Variants in TNRC18 observed in about 807,000 individuals in gnomAD.
The protein encoded by TNRC18 is trinucleotide repeat-containing gene 18 protein.
TNRC18 carries 69 observed loss-of-function variants against 226.7 expected under a neutral mutation model. The ratio of observed to expected loss-of-function variants is 0.30; its 90% CI spans 0.25 to 0.37. TNRC18 has a LOEUF of 0.37. Ranked by LOEUF, TNRC18 falls within the 10% of genes least tolerant of loss-of-function variation. The pLI is 1.00. For missense variants in TNRC18, 4,754 were observed against 4,256.6 expected (o/e 1.12, Z -3.25); for synonymous variants, 2,449 against 1,927.6 (o/e 1.27, Z -7.09).
At chr7:5,347,636 G>A (rs1791342336) in intron 17 of TNRC18, among the ~76,000 whole-genome samples, 1 of 152,112 alleles carries the variant, frequency 6.6e-6, no homozygotes, top group South Asian at 2.1e-4. Flanking sequence ...CTGCAGTCCA[G>A]CCTGGGTGAC....
chr7:5,387,857 T>A lies in TNRC18; in HGVS notation c.1967A>T (p.Glu656Val). ...GGGRQLKRDPERPESAKAFGR... is the reference protein window; with the variant it reads ...GGGRQLKRDPVRPESAKAFGR... ...GAAAGCTTTGGCGCTCTCGGGCCTC[T>A]CGGGGTCCCGCTTCAGCTGCCGGCC... The change falls in exon 5 of 30, where the codon GAG (glutamate) becomes GTG (valine). Residue 656 changes from glutamate to valine, a missense_variant. Transcript: ENST00000430969. 1.2e-6 allele frequency: 2 copies of A among 1,600,428 alleles called. No individual in the cohort carries two copies. Among genetic ancestry groups the A allele is most frequent in the Non-Finnish European group, 1.7e-6 (2 of 1,176,472 alleles).
intron 16 of TNRC18, among the ~76,000 whole-genome samples, chr7:5,356,450 C>G (rs1474355833): frequency 6.6e-6 from 1 of 152,234 alleles, no homozygotes; most frequent in Non-Finnish European, 1.5e-5. Flanking sequence ...CACTTCGCGA[C>G]AAAGCCGTGG....
At chr7:5,354,957 C>T (rs1206614563) in intron 16 of TNRC18, among the ~76,000 whole-genome samples, 1 of 152,212 alleles carries the variant, frequency 6.6e-6, no homozygotes, top group Non-Finnish European at 1.5e-5. Context: ...TCAAACTCCC[C>T]CTTCTCCGCC....
Position 5,370,703 on chromosome 7 carries a change from G to C in TNRC18, c.3891C>G (p.Asp1297Glu). ...GGCACTGTCCCTCCCCGGCGGGCAC[G>C]TCACAGTCTGACATTTCTAGGGTGG... ...SQPTLEMSDC[D>E]VPAGEGQCPS... Residue 1297 changes from aspartate to glutamate, a missense_variant, in exon 11 of 30, where the codon GAC (aspartate) becomes GAG (glutamate). By Grantham distance (45) the Asp-to-Glu change is conservative. Coordinates refer to ENST00000430969, the MANE Select transcript of TNRC18 (RefSeq NM_001080495.3). 3 of 1,610,170 alleles carry C rather than the reference G, an allele frequency of 1.9e-6. No homozygotes were observed. In the South Asian group the frequency reaches 3.3e-5, roughly 18 times the overall value.
At chr7:5,403,212 G>C (rs1370407232) in intron 2 of TNRC18, among the ~76,000 whole-genome samples, 2 of 150,780 alleles carry the variant, frequency 1.3e-5, no homozygotes, top group Non-Finnish European at 2.9e-5. Context: ...CCAGGCTGGA[G>C]TGCAATGGCG....
chr7:5,403,253 C>T (rs1440172278), intron 2 of TNRC18, among the ~76,000 whole-genome samples: 10 of 151,906 alleles, frequency 6.6e-5, no homozygotes, highest in Non-Finnish European at 1.3e-4. Flanking sequence ...CTCTACCTCC[C>T]GGGTTCAAGC....
At chr7:5,395,122 A>G (rs1780581827) in intron 2 of TNRC18, among the ~76,000 whole-genome samples, 1 of 151,936 alleles carries the variant, frequency 6.6e-6, no homozygotes, top group Admixed American at 6.6e-5. Flanking sequence ...TGCCCATTTC[A>G]CAGAAAAAGA....
chr7:5,391,343 A>T (rs1780283507), intron 3 of TNRC18, among the ~76,000 whole-genome samples: 1 of 150,178 alleles, frequency 6.7e-6, no homozygotes, highest in East Asian at 2.0e-4. Context: ...ACAGAGTCTT[A>T]CTCTGTGGCC....
intron 13 of TNRC18, 68 bp from the exon 14 acceptor site, chr7:5,361,790 A>G (rs1793077523): frequency 6.5e-7 from 1 of 1,535,810 alleles, no homozygotes; most frequent in African/African-American, 1.4e-5. Flanking sequence ...CGGGCACACG[A>G]TGCACACACG....
chr7:5,387,550 T>C lies in TNRC18; in HGVS notation c.2152+122A>G, dbSNP rs577310468. The C allele has an allele frequency of 2.1e-6, 3 of 1,396,566 alleles. No homozygotes were observed. In the Admixed American group the frequency reaches 6.9e-5, roughly 32 times the overall value. The allele number at this position is 1,396,566 out of a possible 1,614,324, so 86.5% of individuals were successfully genotyped here. A position where few individuals can be genotyped will look rare whatever the true frequency, so the allele number is the denominator to read the frequency against. The stretch of plus-strand genomic sequence containing the variant: ...TCGCAACAGAACATTCAAGACCATT[T>C]TAAAAAATGATACTTATAAAGACTT... On this transcript the variant is annotated intron_variant, in intron 5 of 29. Transcript: ENST00000430969.
At position 5,370,939 on chromosome 7, in the gene TNRC18, A is replaced by G. The variant is rs1401298253; in HGVS notation, c.3655T>C (p.Cys1219Arg). The stretch of plus-strand genomic sequence containing the variant: ...TCAGGCCCCTCCACAAAGTCTGGAC[A>G]CTCAGAGGGCTCTGCGCAGCTCTGC... Reference protein sequence around the residue: ...TGQSCAEPSECPDFVEGPEPR... With the variant: ...TGQSCAEPSERPDFVEGPEPR... Residue 1219 changes from cysteine (C) to arginine (R), a missense_variant, in exon 11 of 30, where the codon TGT becomes CGT. Coordinates refer to ENST00000430969, the MANE Select transcript of TNRC18 (RefSeq NM_001080495.3). The G allele has an allele frequency of 2.5e-6, 4 of 1,605,168 alleles. No individual in the cohort carries two copies. The highest frequency in any genetic ancestry group is 3.4e-6 in the Non-Finnish European group (4 of 1,179,704).
rs766412986 is a variant in TNRC18 at position 5,351,783 on chromosome 7, A to C, written c.5470+36T>G. 4 of 1,533,876 alleles carry C rather than the reference A, an allele frequency of 2.6e-6. No homozygotes were observed. The Admixed American group carries it at 8.5e-5, about 33-fold the overall frequency. On this transcript the variant is annotated intron_variant, in intron 17 of 29. Coordinates refer to ENST00000430969, the MANE Select transcript of TNRC18 (RefSeq NM_001080495.3). ...CACTCGCACGCACTCTCTCGCTAGG[A>C]AACACGGAAGGTATTTTGTGTTTGG...
chr7:5,308,974 T>G (rs2128099517), intron 28 of TNRC18, 25 bp from the exon 29 acceptor site: 1 of 1,589,946 alleles, frequency 6.3e-7, no homozygotes, highest in East Asian at 2.3e-5. Flanking sequence ...GAGGAGGGGC[T>G]TGGGTGAGCC....
At chr7:5,314,941 G>A (rs368398241) in intron 26 of TNRC18, 43 bp downstream of exon 26, 36 of 1,560,746 alleles carry the variant, frequency 2.3e-5, no homozygotes, top group African/African-American at 1.5e-4. Context: ...ATGCACGAAG[G>A]AGATCCGCCC....
At chr7:5,365,841 G>A (rs564380925) in intron 11 of TNRC18, among the ~76,000 whole-genome samples, 3 of 152,098 alleles carry the variant, frequency 2.0e-5, no homozygotes, top group Admixed American at 6.5e-5. Flanking sequence ...AGGCCGAGGC[G>A]GGCGGATCAC....
rs1020249015 is a variant in TNRC18 at position 5,376,364 on chromosome 7, C to T, written c.2609-140G>A. ...CTCTCTGCGGGCCCCCGGCTGCTCC[C>T]CAGGGGCCAGGAAGTTTGTCCTGTC... On this transcript the variant is annotated intron_variant, in intron 8 of 29. Coordinates refer to ENST00000430969, the MANE Select transcript of TNRC18 (RefSeq NM_001080495.3). The T allele has an allele frequency of 1.3e-5, 10 of 771,278 alleles. No homozygotes were observed. In the South Asian group the frequency reaches 1.8e-4, roughly 14 times the overall value. The allele number at this position is 771,278 out of a possible 1,614,324, so 47.8% of individuals were successfully genotyped here. A position where few individuals can be genotyped will look rare whatever the true frequency, so the allele number is the denominator to read the frequency against.
In TNRC18 at chr7:5,376,856, G is replaced by A. The variant is rs780742345; in HGVS notation, c.2599C>T (p.Pro867Ser). 6.2e-7 allele frequency: 1 copy of A among 1,611,562 alleles called. No homozygotes were observed. Among genetic ancestry groups the A allele is most frequent in the South Asian group, 1.1e-5 (1 of 90,532 alleles). The change falls in exon 8 of 30, where the codon CCT (proline) becomes TCT (serine). Residue 867 changes from proline (P) to serine (S), a missense_variant. Transcript: ENST00000430969. ...TAGAAGGTCCACTTACCAAAGTGAGGAAGGTGATCACTGGGAATGACCACC... is the reference window on the plus strand; with the variant it reads ...TAGAAGGTCCACTTACCAAAGTGAGAAAGGTGATCACTGGGAATGACCACC... ...QLVVIPSDHLPHFAELMERAT... is the reference protein window; with the variant it reads ...QLVVIPSDHLSHFAELMERAT...
chr7:5,363,167 G>A (rs1428833059), intron 11 of TNRC18, among the ~76,000 whole-genome samples: 2 of 152,176 alleles, frequency 1.3e-5, no homozygotes, highest in Admixed American at 1.3e-4. Context: ...GCCGGGTGTA[G>A]TGGCACACGC....
chr7:5,413,515 G>C (rs1797706296), intron 2 of TNRC18, among the ~76,000 whole-genome samples: 1 of 152,116 alleles, frequency 6.6e-6, no homozygotes, highest in Non-Finnish European at 1.5e-5. Context: ...TCTCTGGCTA[G>C]CAACCCAGCC....
Sources: gnomAD v4.1 joint callset for allele counts (sites outside exome capture counted in the v4.1 genomes callset) on GRCh38, gnomAD v4.1.1 for gene constraint, MANE v1.5 for transcripts, NCBI Gene and HGNC (gene_info 2026-07-23, HGNC 2026-07-21) for gene names.